The following STAG1 variants were observed in gnomAD, a reference collection of about 807,000 sequenced individuals.
STAG1 encodes cohesin subunit SA-1.
A neutral mutation model predicts 170.9 loss-of-function variants in STAG1; 26 were observed. The observed-to-expected ratio is 0.15, with a 90% CI of 0.11 to 0.21. STAG1 has a LOEUF of 0.21. Ranked by LOEUF, STAG1 falls within the 10% of genes least tolerant of loss-of-function variation. STAG1 has a pLI of 1.00. For missense variants in STAG1, 964 were observed against 1,509.5 expected (o/e 0.64, Z 5.99); for synonymous variants, 514 against 497.7 (o/e 1.03, Z -0.44).
chr3:136,505,290 A>C (rs1042733370), intron 7 of STAG1, among the ~76,000 whole-genome samples: 10 of 152,238 alleles, frequency 6.6e-5, no homozygotes, highest in Non-Finnish European at 1.5e-5. Flanking sequence ...TCCTTCATTT[A>C]GCTTTCACAT....
At chr3:136,517,248 G>A (rs755705173) in intron 7 of STAG1, among the ~76,000 whole-genome samples, 2 of 151,942 alleles carry the variant, frequency 1.3e-5, no homozygotes, top group Non-Finnish European at 2.9e-5. Flanking sequence ...CATTTTAGGA[G>A]GGAAAAAAGA....
At chr3:136,402,536 T>C (rs1342586506) in intron 21 of STAG1, among the ~76,000 whole-genome samples, 1 of 151,876 alleles carries the variant, frequency 6.6e-6, no homozygotes, top group African/African-American at 2.4e-5. Context: ...TACTTTAAAA[T>C]TTTCAGGTTT....
intron 28 of STAG1, among the ~76,000 whole-genome samples, chr3:136,354,389 C>A (rs1318062557): frequency 3.3e-5 from 5 of 152,136 alleles, no homozygotes; most frequent in African/African-American, 1.2e-4. Flanking sequence ...GCCCCTGGGG[C>A]CCCTGGGGTT....
chr3:136,641,565 G>C (rs1351093161), intron 1 of STAG1, among the ~76,000 whole-genome samples: 1 of 152,150 alleles, frequency 6.6e-6, no homozygotes, highest in Non-Finnish European at 1.5e-5. Flanking sequence ...AGTATAATCA[G>C]ATAAACCCAA....
At chr3:136,443,168 T>C (rs1266081864) in intron 15 of STAG1, 119 bp downstream of exon 15, 3 of 584,684 alleles carry the variant, frequency 5.1e-6, no homozygotes, top group African/African-American at 3.8e-5. Context: ...AATTGTTCTC[T>C]TGGCAAAAAG....
intron 7 of STAG1, among the ~76,000 whole-genome samples, chr3:136,510,805 T>G (rs1934028873): frequency 6.6e-6 from 1 of 151,624 alleles, no homozygotes; most frequent in African/African-American, 2.4e-5. Flanking sequence ...TGAGATGGAG[T>G]CTTGCTCTGT....
chr3:136,691,359 AG>A (rs1316489914), intron 1 of STAG1, among the ~76,000 whole-genome samples: 2 of 151,646 alleles, frequency 1.3e-5, no homozygotes, highest in Non-Finnish European at 2.9e-5. Flanking sequence ...GGCATGAACC[AG>A]GGAGGTGGAG....
intron 5 of STAG1, among the ~76,000 whole-genome samples, chr3:136,551,366 A>G (rs1936393144): frequency 6.9e-6 from 1 of 145,208 alleles, no homozygotes; most frequent in African/African-American, 2.6e-5. Context: ...TCCTACCTCA[A>G]CCTCTCCCAC....
chr3:136,575,261 T>C (rs955055318), intron 4 of STAG1, among the ~76,000 whole-genome samples: 1 of 152,136 alleles, frequency 6.6e-6, no homozygotes, highest in African/African-American at 2.4e-5. Flanking sequence ...GTCTCACTCT[T>C]TCACCCAGGC....
At chr3:136,468,249 T>C (rs1299595452) in intron 12 of STAG1, among the ~76,000 whole-genome samples, 5 of 151,770 alleles carry the variant, frequency 3.3e-5, no homozygotes, top group Admixed American at 6.6e-5. Flanking sequence ...ACAAAACTGA[T>C]AGACCACTAG....
intron 3 of STAG1, among the ~76,000 whole-genome samples, chr3:136,605,440 C>T (rs1938885987): frequency 6.6e-6 from 1 of 152,202 alleles, no homozygotes; most frequent in Admixed American, 6.5e-5. Flanking sequence ...ACTCATTCTA[C>T]AGTTGCTACT....
intron 1 of STAG1, among the ~76,000 whole-genome samples, chr3:136,693,548 A>G (rs1942789929): frequency 1.3e-5 from 2 of 152,104 alleles, no homozygotes; most frequent in Non-Finnish European, 2.9e-5. Context: ...AGATTTCAGG[A>G]GGTTGCTTTT....
chr3:136,636,775 A>G (rs1672059320), intron 1 of STAG1, among the ~76,000 whole-genome samples: 1 of 152,242 alleles, frequency 6.6e-6, no homozygotes, highest in African/African-American at 2.4e-5. Flanking sequence ...AGAAAGATTA[A>G]TTTTTAACAA....
At chr3:136,551,206 AG>A (rs1936370971) in intron 5 of STAG1, among the ~76,000 whole-genome samples, 1 of 45,076 alleles carries the variant, frequency 2.2e-5, no homozygotes, top group Non-Finnish European at 4.0e-5. Flanking sequence ...GTTGAGAGAG[AG>A]TGAGAGAGAG....
chr3:136,646,903 C>T (rs1047549752), intron 1 of STAG1, among the ~76,000 whole-genome samples: 1 of 151,798 alleles, frequency 6.6e-6, no homozygotes, highest in African/African-American at 2.4e-5. Context: ...CAGAGCGAGA[C>T]TCCATCTGAA....
intron 14 of STAG1, among the ~76,000 whole-genome samples, chr3:136,450,769 G>C (rs1239383887): frequency 1.3e-5 from 2 of 152,066 alleles, no homozygotes; most frequent in Non-Finnish European, 2.9e-5. Flanking sequence ...TTTTGAGACA[G>C]AATCTGGCTC....
intron 7 of STAG1, among the ~76,000 whole-genome samples, chr3:136,517,152 G>A (rs1934417263): frequency 6.6e-6 from 1 of 152,156 alleles, no homozygotes; most frequent in Non-Finnish European, 1.5e-5. Flanking sequence ...TATCCCTCAG[G>A]AGTCTGAGAG....
intron 7 of STAG1, among the ~76,000 whole-genome samples, chr3:136,518,757 T>C (rs1291779244): frequency 6.6e-6 from 1 of 152,144 alleles, no homozygotes; most frequent in African/African-American, 2.4e-5. Context: ...GTTTTTTTGA[T>C]ATCTGATTTT....
rs1054119566 is a variant in STAG1, at chr3:136,582,179, A to C, written c.298-13318T>G. Among the ~76,000 whole-genome samples the C allele has an allele frequency of 3.4e-5, 4 of 118,392 alleles. No individual in the cohort carries two copies. In the Admixed American group the frequency reaches 4.9e-4, roughly 15 times the overall value. 77.7% of individuals were successfully genotyped at this position (118,392 alleles called of 152,430 possible). A position where few individuals can be genotyped will look rare whatever the true frequency, so the allele number is the denominator to read the frequency against. ...AGTTCCTGCTATAGGAAAACATTTA[A>C]TCCTGCTTTGTTTTTTGTGTGGGGG... On this transcript the variant is annotated intron_variant, in intron 4 of 33. Transcript: ENST00000383202.
Sources: gnomAD v4.1 joint callset for allele counts (sites outside exome capture counted in the v4.1 genomes callset) on GRCh38, gnomAD v4.1.1 for gene constraint, MANE v1.5 for transcripts, NCBI Gene and HGNC (gene_info 2026-07-23, HGNC 2026-07-21) for gene names.